The following LUZP2 variants were observed in gnomAD, a reference collection of about 807,000 sequenced individuals.
LUZP2 encodes leucine zipper protein 2.
Under a neutral mutation model 51.6 loss-of-function variants are expected in LUZP2, and 52 were observed. That is an observed-to-expected ratio of 1.01 (90% CI 0.81 to 1.27). The LOEUF is 1.27. Among genes scored for constraint, LUZP2 ranks in the 50% most tolerant of loss-of-function variants. The pLI, the probability that LUZP2 is intolerant of heterozygous loss-of-function variation, is 0.00. For synonymous variants in LUZP2, 154 were observed against 137.3 expected (o/e 1.12, Z -0.85); for missense variants, 436 against 395.4 (o/e 1.10, Z -0.87).
chr11:24,965,848 C>T (rs1855567775), intron 7 of LUZP2, among the ~76,000 whole-genome samples: 1 of 151,602 alleles, frequency 6.6e-6, no homozygotes, highest in African/African-American at 2.4e-5. Flanking sequence ...ATAGATAGCA[C>T]CCAAGGAATC....
intron 1 of LUZP2, among the ~76,000 whole-genome samples, chr11:24,687,062 A>C (rs985729946): frequency 2.0e-5 from 3 of 152,182 alleles, no homozygotes; most frequent in African/African-American, 7.2e-5. Flanking sequence ...AAGAGAAGAA[A>C]AACATTACAC....
At chr11:24,930,411 T>C (rs2133832876) in intron 7 of LUZP2, among the ~76,000 whole-genome samples, 1 of 152,320 alleles carries the variant, frequency 6.6e-6, no homozygotes, top group South Asian at 2.1e-4. Flanking sequence ...GCAATTCTCA[T>C]AGCGCTGGCT....
intron 1 of LUZP2, among the ~76,000 whole-genome samples, chr11:24,567,985 A>C (rs954073903): frequency 1.3e-5 from 2 of 152,128 alleles, no homozygotes; most frequent in Non-Finnish European, 1.5e-5. Flanking sequence ...AATTGCATAA[A>C]ATAAAACATC....
At chr11:24,569,740 T>G (rs1006627238) in intron 1 of LUZP2, among the ~76,000 whole-genome samples, 1 of 151,986 alleles carries the variant, frequency 6.6e-6, no homozygotes, top group Non-Finnish European at 1.5e-5. Context: ...AGAATGTAGC[T>G]TATAAACAAA....
chr11:24,976,235 A>C (rs1404310346), intron 7 of LUZP2, among the ~76,000 whole-genome samples: 1 of 151,908 alleles, frequency 6.6e-6, no homozygotes, highest in African/African-American at 2.4e-5. Flanking sequence ...TCAACGTATA[A>C]ATTTTGGGGG....
intron 5 of LUZP2, among the ~76,000 whole-genome samples, chr11:24,792,662 T>G (rs1483684689): frequency 6.6e-6 from 1 of 152,126 alleles, no homozygotes; most frequent in Non-Finnish European, 1.5e-5. Context: ...AGACTGGATT[T>G]GAGGGAAGCT....
chr11:25,014,059 T>C (rs976773115), intron 9 of LUZP2, among the ~76,000 whole-genome samples: 27 of 152,264 alleles, frequency 1.8e-4, no homozygotes, highest in Non-Finnish European at 8.8e-5. Flanking sequence ...TTCATCCATG[T>C]CCCTACAAAG....
At chr11:25,019,329 A>T (rs1207998324) in intron 9 of LUZP2, among the ~76,000 whole-genome samples, 1 of 152,208 alleles carries the variant, frequency 6.6e-6, no homozygotes, top group African/African-American at 2.4e-5. Context: ...GAGTAAACAG[A>T]ATCATAGAAA....
intron 5 of LUZP2, among the ~76,000 whole-genome samples, chr11:24,853,789 C>T (rs1851466549): frequency 6.6e-6 from 1 of 152,088 alleles, no homozygotes. Flanking sequence ...ATGTTGGTGA[C>T]CTACGGATGG....
chr11:24,609,702 C>T (rs1436093561), intron 1 of LUZP2, among the ~76,000 whole-genome samples: 1 of 129,222 alleles, frequency 7.7e-6, no homozygotes, highest in Admixed American at 9.4e-5. Context: ...TGCACTCCAG[C>T]CTGGATGATA....
In LUZP2 at chr11:25,079,263, A is replaced by C. The variant is rs772356033; in HGVS notation, c.*605A>C. ...ACATAATTCATTAAGTATGTTTGGC[A>C]TCATATGGACAAAATATTTGGATGA... On this transcript the variant is annotated 3_prime_UTR_variant, in exon 12 of 12. Transcript: ENST00000336930. The C allele has an allele frequency of 7.9e-5, 12 of 152,272 alleles. No homozygotes were observed. The highest frequency in any genetic ancestry group is 1.2e-4 in the Non-Finnish European group (8 of 68,068). 9.4% of individuals were successfully genotyped at this position (152,272 alleles called of 1,614,324 possible).
At chr11:24,498,646 T>C (rs1022442035) in intron 1 of LUZP2, among the ~76,000 whole-genome samples, 2 of 152,214 alleles carry the variant, frequency 1.3e-5, no homozygotes, top group Non-Finnish European at 2.9e-5. Context: ...CTTCCCAGTA[T>C]TATAATTAGT....
At chr11:24,582,440 C>T (rs911882286) in intron 1 of LUZP2, among the ~76,000 whole-genome samples, 2 of 150,902 alleles carry the variant, frequency 1.3e-5, no homozygotes, top group African/African-American at 2.4e-5. Context: ...GGATGTATGT[C>T]GCACATTTTA....
intron 9 of LUZP2, among the ~76,000 whole-genome samples, chr11:24,991,724 A>G (rs55649322): frequency 0.055 from 8,345 of 151,998 alleles, 567 homozygotes; most frequent in African/African-American, 0.16. Flanking sequence ...CAACCACACA[A>G]ACATCTATTA....
intron 1 of LUZP2, among the ~76,000 whole-genome samples, chr11:24,725,725 G>A (rs1251773726): frequency 6.6e-6 from 1 of 152,134 alleles, no homozygotes; most frequent in Non-Finnish European, 1.5e-5. Context: ...TGGAATATGT[G>A]CCTCCAAATT....
chr11:24,629,798 T>G lies in LUZP2; in HGVS notation c.63-99371T>G, dbSNP rs183887832. 2.5e-4 allele frequency among the ~76,000 whole-genome samples: 38 copies of G among 151,972 alleles called. No homozygotes were observed. The East Asian group carries it at 6.6e-3, about 26-fold the overall frequency. Reference sequence around the variant, plus strand: ...TGTTTGTCATAGAGGTTATATTAATTTATTTTCCCAAAATAGTGTATAAGT... The same window carrying G: ...TGTTTGTCATAGAGGTTATATTAATGTATTTTCCCAAAATAGTGTATAAGT... On this transcript the variant is annotated intron_variant, in intron 1 of 11. Coordinates refer to ENST00000336930, the MANE Select transcript of LUZP2 (RefSeq NM_001009909.4).
chr11:24,963,585 T>A (rs957537744), intron 7 of LUZP2, among the ~76,000 whole-genome samples: 3 of 139,192 alleles, frequency 2.2e-5, no homozygotes, highest in Admixed American at 7.4e-5. Context: ...CGGGATATAA[T>A]CTCCTGGTGC....
intron 5 of LUZP2, among the ~76,000 whole-genome samples, chr11:24,901,231 G>A (rs1362847864): frequency 6.6e-6 from 1 of 151,890 alleles, no homozygotes; most frequent in East Asian, 1.9e-4. Context: ...GCTTGTCTGA[G>A]GCCAGATGCT....
intron 4 of LUZP2, chr11:24,762,983 C>A: frequency 1.0e-6 from 1 of 954,802 alleles, no homozygotes; most frequent in Non-Finnish European, 1.2e-6. Context: ...GCAAGAGAAT[C>A]ACAGTCATAA....
Sources: allele counts gnomAD v4.1 joint callset (sites outside exome capture counted in the v4.1 genomes callset), GRCh38; gene constraint gnomAD v4.1.1; transcripts MANE v1.5; gene names NCBI Gene and HGNC (gene_info 2026-07-23, HGNC 2026-07-21).